Variants in DNAH5 observed in about 807,000 individuals in gnomAD.
DNAH5 encodes dynein axonemal heavy chain 5, also known as axonemal beta dynein heavy chain 5.
DNAH5 carries 372 observed loss-of-function variants against 518.2 expected under a neutral mutation model. The ratio of observed to expected loss-of-function variants is 0.72; its 90% CI spans 0.66 to 0.78. The LOEUF (loss-of-function observed/expected upper bound fraction) is 0.78. Ranked by LOEUF, DNAH5 falls within the 30% of genes least tolerant of loss-of-function variation. DNAH5 has a pLI of 0.00. For missense variants in DNAH5, 5,523 were observed against 5,687.0 expected, an observed-to-expected ratio of 0.97 and a Z score of 0.93; for synonymous variants, 2,039 against 2,025.9, an observed-to-expected ratio of 1.01 and a Z score of -0.17.
intron 1 of DNAH5, among the ~76,000 whole-genome samples, chr5:14,011,481 G>T (rs1042645913): frequency 6.6e-6 from 1 of 152,142 alleles, no homozygotes; most frequent in African/African-American, 2.4e-5. Flanking sequence ...GGTCAAGAAA[G>T]TGCTTTTGGC....
chr5:13,798,655 C>CA (rs955957829), intron 47 of DNAH5, among the ~76,000 whole-genome samples: 36 of 145,858 alleles, frequency 2.5e-4, no homozygotes, highest in African/African-American at 8.0e-4. Flanking sequence ...AAATATAAGA[C>CA]AAAAAAAAGC....
intron 1 of DNAH5, among the ~76,000 whole-genome samples, chr5:13,961,731 C>T (rs566656571): frequency 1.2e-4 from 19 of 152,306 alleles, no homozygotes; most frequent in African/African-American, 4.8e-5. Context: ...ATCTTCACTA[C>T]ACAGCATTAT....
chr5:13,864,561 C>T lies in DNAH5; in HGVS notation c.4432G>A (p.Glu1478Lys), dbSNP rs1022453162. ...DLKKIIDDFS[E>K]CCPLLEYMAS... Reference sequence around the variant, plus strand: ...ATGTATTCCAGCAGCGGGCAACACTCGCTGAAATCATCAATGATCTTCTTC... The same window carrying T: ...ATGTATTCCAGCAGCGGGCAACACTTGCTGAAATCATCAATGATCTTCTTC... The change falls in exon 28 of 79, where the codon GAG becomes AAG. Residue 1478 changes from glutamate (E) to lysine (K), a missense_variant. Physicochemically the swap from Glu to Lys is moderately conservative, Grantham distance 56 (BLOSUM62 1). Coordinates refer to ENST00000265104, the MANE Select transcript of DNAH5 (RefSeq NM_001369.3). The T allele has an allele frequency of 1.2e-5, 19 of 1,613,970 alleles. No homozygotes were observed. The highest frequency in any genetic ancestry group is 1.6e-4 in the Middle Eastern group (1 of 6,082).
chr5:13,783,406 C>T (rs1755487240), intron 52 of DNAH5, among the ~76,000 whole-genome samples: 1 of 152,074 alleles, frequency 6.6e-6, no homozygotes, highest in African/African-American at 2.4e-5. Flanking sequence ...AGACGGGAAC[C>T]CACCCTCCTA....
intron 35 of DNAH5, among the ~76,000 whole-genome samples, chr5:13,836,503 G>A (rs1764418616): frequency 6.6e-6 from 1 of 152,180 alleles, no homozygotes; most frequent in East Asian, 1.9e-4. Context: ...GAAGCCATGT[G>A]ATGAAAGTGT....
intron 56 of DNAH5, among the ~76,000 whole-genome samples, chr5:13,769,830 C>T (rs1414470984): frequency 2.6e-5 from 4 of 152,134 alleles, no homozygotes; most frequent in Non-Finnish European, 2.9e-5. Context: ...GCAAGAACAG[C>T]GAACCTGCTA....
chr5:13,873,950 G>A (rs1770509582), intron 22 of DNAH5, among the ~76,000 whole-genome samples: 1 of 152,172 alleles, frequency 6.6e-6, no homozygotes, highest in African/African-American at 2.4e-5. Context: ...GAGCATTACA[G>A]GATTCTAAAT....
At chr5:13,710,114 C>T (rs1055343586) in intron 75 of DNAH5, among the ~76,000 whole-genome samples, 15 of 152,132 alleles carry the variant, frequency 9.9e-5, no homozygotes, top group Non-Finnish European at 1.9e-4. Context: ...AGCTGCGAGA[C>T]CCACAGACAA....
intron 71 of DNAH5, 73 bp from the exon 72 acceptor site, chr5:13,719,174 A>C: frequency 8.5e-7 from 1 of 1,170,118 alleles, no homozygotes; most frequent in African/African-American, 1.5e-5. Context: ...CATTCTTTAG[A>C]AATTAAGTAA....
intron 17 of DNAH5, 97 bp from the exon 18 acceptor site, chr5:13,886,226 GC>G: frequency 7.9e-7 from 1 of 1,269,628 alleles, no homozygotes. Context: ...CTGTGGCTCA[GC>G]CTCCAGGTGA....
chr5:13,784,770 T>G (rs1393027628), intron 52 of DNAH5, among the ~76,000 whole-genome samples: 1 of 152,194 alleles, frequency 6.6e-6, no homozygotes, highest in Non-Finnish European at 1.5e-5. Flanking sequence ...ATCAACTAAG[T>G]GAGAATATCA....
At chr5:13,705,520 TC>T (rs1742672934) in intron 76 of DNAH5, among the ~76,000 whole-genome samples, 3 of 152,180 alleles carry the variant, frequency 2.0e-5, no homozygotes, top group African/African-American at 4.8e-5. Flanking sequence ...TCCCATCTCC[TC>T]TCCTCTCGTC....
At chr5:13,762,022 G>A (rs529915017) in intron 60 of DNAH5, among the ~76,000 whole-genome samples, 292 of 152,254 alleles carry the variant, frequency 1.9e-3, no homozygotes, top group Admixed American at 3.6e-3. Flanking sequence ...TCATACAAAA[G>A]CAAAATAATC....
At chr5:13,799,447 C>T (rs537701159) in intron 47 of DNAH5, among the ~76,000 whole-genome samples, 78 of 152,202 alleles carry the variant, frequency 5.1e-4, no homozygotes, top group African/African-American at 1.7e-3. Flanking sequence ...ATTTTCTTCC[C>T]CTCCACTGTA....
At chr5:13,825,566 A>T (rs1405011670) in intron 38 of DNAH5, among the ~76,000 whole-genome samples, 2 of 152,236 alleles carry the variant, frequency 1.3e-5, no homozygotes, top group Admixed American at 1.3e-4. Context: ...TAAAACATGA[A>T]TGAACCTTGA....
At chr5:13,971,573 C>A (rs1781875143) in intron 1 of DNAH5, among the ~76,000 whole-genome samples, 1 of 152,168 alleles carries the variant, frequency 6.6e-6, no homozygotes, top group Non-Finnish European at 1.5e-5. Context: ...AGTGGACCTA[C>A]TAGGCTATGG....
chr5:13,846,901 T>C (rs993994331), intron 31 of DNAH5, among the ~76,000 whole-genome samples: 7 of 151,990 alleles, frequency 4.6e-5, no homozygotes, highest in Admixed American at 4.6e-4. Context: ...AACTAAACTT[T>C]TCTCAGTTTA....
In DNAH5 at chr5:13,845,142, T is replaced by C. The variant is rs1166391172; in HGVS notation, c.5115-149A>G. Reference sequence around the variant, plus strand: ...GTGACTTCTCACTGTTTTTAATTTTTCAATTTTTTAAGAATGTTTTCAAAT... The same window carrying C: ...GTGACTTCTCACTGTTTTTAATTTTCCAATTTTTTAAGAATGTTTTCAAAT... On this transcript the variant is annotated intron_variant, in intron 31 of 78. Coordinates refer to ENST00000265104, the MANE Select transcript of DNAH5 (RefSeq NM_001369.3). The C allele has an allele frequency of 6.6e-6, 5 of 757,096 alleles. No individual in the cohort carries two copies. The African/African-American group carries it at 8.9e-5, about 13-fold the overall frequency. 46.9% of individuals were successfully genotyped at this position (757,096 alleles called of 1,614,324 possible).
At chr5:13,828,240 G>A (rs868190371) in intron 38 of DNAH5, among the ~76,000 whole-genome samples, 25 of 152,204 alleles carry the variant, frequency 1.6e-4, no homozygotes, top group Admixed American at 3.9e-4. Context: ...AATGTAATTA[G>A]GTTGAACCTG....
Sources: gnomAD v4.1 joint callset for allele counts (sites outside exome capture counted in the v4.1 genomes callset) on GRCh38, gnomAD v4.1.1 for gene constraint, MANE v1.5 for transcripts, NCBI Gene and HGNC (gene_info 2026-07-23, HGNC 2026-07-21) for gene names.